Variants in DTWD2 observed in about 807,000 individuals in gnomAD.
DTWD2 encodes the protein DTW motif tRNA-uridine aminocarboxypropyltransferase 2.
Under a neutral mutation model 31.8 loss-of-function variants are expected in DTWD2, and 39 were observed. The ratio of observed to expected loss-of-function variants is 1.22; its 90% CI spans 0.95 to 1.60. The LOEUF (loss-of-function observed/expected upper bound fraction) is 1.60. DTWD2 is among the 40% of genes most tolerant of loss of function. The probability of loss-of-function intolerance (pLI) is 0.00; values close to 1 mark genes in which losing one functional copy is unlikely to be tolerated. For missense variants in DTWD2, 515 were observed against 381.5 expected, an observed-to-expected ratio of 1.35 and a Z score of -2.92; for synonymous variants, 180 against 142.8, an observed-to-expected ratio of 1.26 and a Z score of -1.86.
rs113779172 is a variant in DTWD2 at position 118,988,145 on chromosome 5, G to T, written c.218+149C>A. The T allele has an allele frequency of 3.8e-5, 36 of 946,022 alleles. No individual in the cohort carries two copies. The African/African-American group carries it at 5.0e-4, about 13-fold the overall frequency. The allele number at this position is 946,022 out of a possible 1,614,324, so 58.6% of individuals were successfully genotyped here. On this transcript the variant is annotated intron_variant, in intron 1 of 5. Coordinates refer to ENST00000510708, the MANE Select transcript of DTWD2 (RefSeq NM_173666.4). Reference sequence around the variant, plus strand: ...GGCTTCTTACTAGGTAGCTGTGCCTGGCATTTCCGAGATTTCCAACGTGCA... The same window carrying T: ...GGCTTCTTACTAGGTAGCTGTGCCTTGCATTTCCGAGATTTCCAACGTGCA...
At chr5:118,841,762 A>C (rs1361297170) in intron 5 of DTWD2, among the ~76,000 whole-genome samples, 1 of 152,172 alleles carries the variant, frequency 6.6e-6, no homozygotes, top group East Asian at 1.9e-4. Flanking sequence ...ACCTGAAGTT[A>C]TTCAAATTCA....
rs188590975 is a variant in DTWD2, at chr5:118,881,819, G to A, written c.598-33601C>T. On this transcript the variant is annotated intron_variant, in intron 4 of 5. Coordinates refer to ENST00000510708, the MANE Select transcript of DTWD2 (RefSeq NM_173666.4). ...AAGAGAAAAACCAGCCCCATTATTC[G>A]ATCACTTCCCAACAGGTCCGTCCTC... 3.5e-3 allele frequency among the ~76,000 whole-genome samples: 534 copies of A among 152,204 alleles called. 2 individuals carry two copies. The highest frequency in any genetic ancestry group is 5.4e-3 in the Non-Finnish European group (366 of 68,004).
At chr5:118,878,265 T>C (rs753135245) in intron 4 of DTWD2, among the ~76,000 whole-genome samples, 21 of 152,246 alleles carry the variant, frequency 1.4e-4, no homozygotes, top group Non-Finnish European at 2.6e-4. Flanking sequence ...TGAACTATAC[T>C]ACAGGGCTAC....
chr5:118,888,246 C>G (rs575371972), intron 4 of DTWD2, among the ~76,000 whole-genome samples: 9 of 152,270 alleles, frequency 5.9e-5, no homozygotes, highest in African/African-American at 2.2e-4. Flanking sequence ...TCTTGCGTCT[C>G]TCCTTCTCTT....
At chr5:118,899,594 C>T (rs1753158294) in intron 4 of DTWD2, among the ~76,000 whole-genome samples, 1 of 152,028 alleles carries the variant, frequency 6.6e-6, no homozygotes, top group Admixed American at 6.6e-5. Context: ...CATGAATCTA[C>T]AAAACAAACA....
At chr5:118,952,831 C>T (rs1754496250) in intron 1 of DTWD2, among the ~76,000 whole-genome samples, 1 of 152,206 alleles carries the variant, frequency 6.6e-6, no homozygotes, top group South Asian at 2.1e-4. Context: ...GACAACGCCT[C>T]TCATCTTGTT....
intron 4 of DTWD2, among the ~76,000 whole-genome samples, chr5:118,869,380 T>C (rs1752453102): frequency 2.0e-5 from 3 of 152,068 alleles, no homozygotes; most frequent in Admixed American, 2.0e-4. Flanking sequence ...TCCACAAAAA[T>C]TCCACGCTCA....
At chr5:118,971,989 C>T (rs2149598790) in intron 1 of DTWD2, among the ~76,000 whole-genome samples, 1 of 152,226 alleles carries the variant, frequency 6.6e-6, no homozygotes, top group East Asian at 1.9e-4. Context: ...GAGGAAAATA[C>T]ATAGCACTAA....
At chr5:118,861,181 CA>C (rs1214713619) in intron 4 of DTWD2, among the ~76,000 whole-genome samples, 1 of 152,196 alleles carries the variant, frequency 6.6e-6, no homozygotes, top group African/African-American at 2.4e-5. Flanking sequence ...AGAGTTAAAT[CA>C]TTTAAGCAGA....
chr5:118,913,876 G>A (rs921817767), intron 4 of DTWD2, among the ~76,000 whole-genome samples: 2 of 151,980 alleles, frequency 1.3e-5, no homozygotes, highest in African/African-American at 2.4e-5. Flanking sequence ...AAAAACTGCC[G>A]ATTAGGCTGG....
chr5:118,973,082 T>TCC lies in DTWD2; in HGVS notation c.218+15211_218+15212insGG, dbSNP rs1278194011. On this transcript the variant is annotated intron_variant, in intron 1 of 5. Transcript: ENST00000510708. ...CAGAAACTAGGATTGCAACCCCCTT[T>TCC]TTTTTTTTTTTTTTTGGCTTTCCAT... Among the ~76,000 whole-genome samples the TCC allele has an allele frequency of 4.2e-4, 62 of 147,966 alleles. 1 individual carries two copies. Among genetic ancestry groups the TCC allele is most frequent in the Middle Eastern group, 3.5e-3 (1 of 288 alleles).
At chr5:118,947,359 G>T (rs1754362392) in intron 1 of DTWD2, among the ~76,000 whole-genome samples, 1 of 152,170 alleles carries the variant, frequency 6.6e-6, no homozygotes, top group Non-Finnish European at 1.5e-5. Context: ...GGATTTTATT[G>T]CCGATGAAAG....
At chr5:118,911,109 A>G (rs1753449007) in intron 4 of DTWD2, among the ~76,000 whole-genome samples, 1 of 152,234 alleles carries the variant, frequency 6.6e-6, no homozygotes, top group Admixed American at 6.5e-5. Flanking sequence ...AGGAACTTAT[A>G]TAACTCAATA....
At chr5:118,860,838 ATTC>A (rs1752244210) in intron 4 of DTWD2, among the ~76,000 whole-genome samples, 1 of 152,146 alleles carries the variant, frequency 6.6e-6, no homozygotes, top group Non-Finnish European at 1.5e-5. Flanking sequence ...TCTTCTGCCT[ATTC>A]TTCTATAAGA....
At chr5:118,946,664 G>C (rs907206038) in intron 1 of DTWD2, among the ~76,000 whole-genome samples, 2 of 151,712 alleles carry the variant, frequency 1.3e-5, no homozygotes, top group South Asian at 4.2e-4. Flanking sequence ...GTTTGACTTT[G>C]AATTTTTTTT....
rs534803029 is a variant in DTWD2, at chr5:118,928,451, A to C, written c.597+86T>G. ...AATACCACCAAATTCATATATAAAA[A>C]TCTATGTGTATCCCTTCACAGAAAA... is the stretch of plus-strand genomic sequence containing the variant. On this transcript the variant is annotated intron_variant, in intron 4 of 5. Coordinates refer to ENST00000510708, the MANE Select transcript of DTWD2 (RefSeq NM_173666.4). 107 of 934,428 alleles carry C rather than the reference A, an allele frequency of 1.1e-4. 1 individual carries two copies. In the African/African-American group the frequency reaches 1.8e-3, roughly 16 times the overall value. The allele number at this position is 934,428 out of a possible 1,614,324, so 57.9% of individuals were successfully genotyped here. A position where few individuals can be genotyped will look rare whatever the true frequency, so the allele number is the denominator to read the frequency against.
Position 118,988,326 on chromosome 5 carries a change from C to G in DTWD2, c.186G>C (p.Pro62=). The G allele has an allele frequency of 1.9e-6, 3 of 1,539,154 alleles. No individual in the cohort carries two copies. Among genetic ancestry groups the G allele is most frequent in the South Asian group, 1.2e-5 (1 of 83,162 alleles). The change falls in exon 1 of 6, where the codon CCG becomes CCC. Residue 62 remains proline (P), a synonymous_variant. Coordinates refer to ENST00000510708, the MANE Select transcript of DTWD2 (RefSeq NM_173666.4). The part of the protein sequence containing the change: ...ADGLWELPVE[P]AERRPECTRC... ...GGGTGCACTCAGGCCTCCGCTCGGC[C>G]GGCTCCACCGGCAGCTCCCACAGCC...
intron 5 of DTWD2, 66 bp downstream of exon 5, chr5:118,848,024 T>A (rs1751899595): frequency 1.4e-6 from 2 of 1,413,450 alleles, no homozygotes; most frequent in Non-Finnish European, 1.9e-6. Flanking sequence ...CAAGCATGTC[T>A]AAATCTTCTA....
intron 4 of DTWD2, among the ~76,000 whole-genome samples, chr5:118,867,964 T>A (rs566174532): frequency 6.6e-6 from 1 of 152,218 alleles, no homozygotes; most frequent in South Asian, 2.1e-4. Flanking sequence ...CTGCAAATAG[T>A]CAAAGCAATC....
Sources: gnomAD v4.1 joint callset for allele counts (sites outside exome capture counted in the v4.1 genomes callset) on GRCh38, gnomAD v4.1.1 for gene constraint, MANE v1.5 for transcripts, NCBI Gene and HGNC (gene_info 2026-07-23, HGNC 2026-07-21) for gene names.